Variants in RMST observed in about 807,000 individuals in gnomAD.
RMST encodes rhabdomyosarcoma 2 associated transcript.
chr12:97,520,741 G>C (rs990196532), intron 10 of RMST, among the ~76,000 whole-genome samples: 1 of 152,098 alleles, frequency 6.6e-6, no homozygotes, highest in Non-Finnish European at 1.5e-5. Context: ...GTAGGGCCAG[G>C]TTTGCATAAA....
intron 5 of RMST, among the ~76,000 whole-genome samples, chr12:97,486,602 T>A (rs1213234238): frequency 6.6e-6 from 1 of 152,224 alleles, no homozygotes; most frequent in African/African-American, 2.4e-5. Context: ...TCATTCATTC[T>A]GGAATATTAA....
chr12:97,545,103 A>G (rs1882837260), intron 11 of RMST, among the ~76,000 whole-genome samples: 1 of 152,104 alleles, frequency 6.6e-6, no homozygotes, highest in African/African-American at 2.4e-5. Context: ...TCACATTTAC[A>G]TTATATTACA....
intron 10 of RMST, among the ~76,000 whole-genome samples, chr12:97,526,760 G>A (rs1482394707): frequency 6.6e-6 from 1 of 152,106 alleles, no homozygotes; most frequent in African/African-American, 2.4e-5. Flanking sequence ...GCTAGGATAG[G>A]AATTCACCCA....
chr12:97,475,448 T>G (rs1874423852), intron 5 of RMST, among the ~76,000 whole-genome samples: 1 of 151,992 alleles, frequency 6.6e-6, no homozygotes, highest in Non-Finnish European at 1.5e-5. Context: ...GCCTTTGGAG[T>G]CAAACCAAAT....
chr12:97,483,811 T>A (rs1218010101), intron 5 of RMST, among the ~76,000 whole-genome samples: 1 of 152,204 alleles, frequency 6.6e-6, no homozygotes, highest in Non-Finnish European at 1.5e-5. Context: ...CTTGTCTATG[T>A]GTGTATGTAA....
At chr12:97,481,997 T>C (rs1003468798) in intron 5 of RMST, among the ~76,000 whole-genome samples, 1 of 152,228 alleles carries the variant, frequency 6.6e-6, no homozygotes, top group African/African-American at 2.4e-5. Context: ...CTATTTTTAA[T>C]TTAAATTCCC....
At chr12:97,535,318 A>G (rs1881984393) in intron 11 of RMST, among the ~76,000 whole-genome samples, 1 of 151,688 alleles carries the variant, frequency 6.6e-6, no homozygotes. Flanking sequence ...AATTTACGCT[A>G]TTCGTATTAA....
chr12:97,554,026 T>C (rs1592796709), intron 11 of RMST, among the ~76,000 whole-genome samples: 1 of 150,654 alleles, frequency 6.6e-6, no homozygotes, highest in African/African-American at 2.4e-5. Context: ...ATGATCTTAG[T>C]TCACTGCAAC....
intron 11 of RMST, chr12:97,532,780 A>G (rs532638426): frequency 2.0e-4 from 30 of 151,492 alleles, no homozygotes; most frequent in African/African-American, 6.5e-4. Context: ...GATTAGTGAT[A>G]CATAATGAAA....
At chr12:97,543,738 A>G (rs1163769103) in intron 11 of RMST, among the ~76,000 whole-genome samples, 1 of 151,942 alleles carries the variant, frequency 6.6e-6, no homozygotes, top group African/African-American at 2.4e-5. Context: ...TTTTTTATGA[A>G]TGGAAAATGG....
intron 11 of RMST, among the ~76,000 whole-genome samples, chr12:97,539,810 C>T (rs1432282057): frequency 2.0e-5 from 3 of 151,478 alleles, no homozygotes; most frequent in Non-Finnish European, 4.4e-5. Flanking sequence ...AGGCAAATCA[C>T]CCAACCTCAG....
chr12:97,524,100 A>AAG (rs1880845003), intron 10 of RMST, among the ~76,000 whole-genome samples: 1 of 148,880 alleles, frequency 6.7e-6, no homozygotes, highest in African/African-American at 2.5e-5. Context: ...AAAAAAAAAA[A>AAG]AAATCACATA....
At position 97,560,987 on chromosome 12, in the gene RMST, G is replaced by T. The variant is rs529213766; in HGVS notation, n.1898G>T. ...AGTCAGCAGAAAATGAGAAAGTAGAGCTCGTGCTGTGAATAATTCCAGCAA... is the reference window on the plus strand; with the variant it reads ...AGTCAGCAGAAAATGAGAAAGTAGATCTCGTGCTGTGAATAATTCCAGCAA... On this transcript the variant is annotated non_coding_transcript_exon_variant, in exon 13 of 14. Coordinates refer to ENST00000640149, the Ensembl canonical transcript of RMST. 4.6e-5 allele frequency: 7 copies of T among 152,470 alleles called. No homozygotes were observed. The East Asian group carries it at 9.7e-4, about 21-fold the overall frequency. The allele number at this position is 152,470 out of a possible 1,614,324, so 9.4% of individuals were successfully genotyped here. A position where few individuals can be genotyped will look rare whatever the true frequency, so the allele number is the denominator to read the frequency against.
intron 5 of RMST, among the ~76,000 whole-genome samples, chr12:97,487,005 C>T (rs761858829): frequency 3.9e-5 from 6 of 152,176 alleles, no homozygotes; most frequent in Non-Finnish European, 7.3e-5. Flanking sequence ...GCCTGAGATT[C>T]CAGTTCCGTC....
At chr12:97,482,711 A>ATTTATTATTTATT (rs10629656) in intron 5 of RMST, among the ~76,000 whole-genome samples, 1 of 65,682 alleles carries the variant, frequency 1.5e-5, no homozygotes, top group African/African-American at 4.5e-5. Context: ...AAATAAATTT[A>ATTTATTATTTATT]TATTATTTAT....
intron 10 of RMST, among the ~76,000 whole-genome samples, chr12:97,519,880 T>G (rs1319179853): frequency 1.3e-5 from 2 of 152,208 alleles, no homozygotes; most frequent in Non-Finnish European, 2.9e-5. Context: ...GATAATTTTC[T>G]GAGAATGGAA....
intron 10 of RMST, among the ~76,000 whole-genome samples, chr12:97,503,430 C>T (rs565123897): frequency 8.3e-5 from 12 of 144,942 alleles, no homozygotes; most frequent in Middle Eastern, 3.5e-3. Context: ...CACTCCCTTT[C>T]TATTATTGTT....
intron 10 of RMST, among the ~76,000 whole-genome samples, chr12:97,499,370 A>G (rs543380077): frequency 6.6e-6 from 1 of 152,120 alleles, no homozygotes; most frequent in African/African-American, 2.4e-5. Flanking sequence ...GTTCTCCTGT[A>G]ATATTCTTTT....
intron 5 of RMST, among the ~76,000 whole-genome samples, chr12:97,490,458 G>A (rs1876662114): frequency 1.3e-5 from 2 of 152,026 alleles, no homozygotes; most frequent in South Asian, 4.2e-4. Context: ...TGTTAAATTG[G>A]GCTAATAGCA....
Sources: allele counts gnomAD v4.1 joint callset (sites outside exome capture counted in the v4.1 genomes callset), GRCh38; gene constraint gnomAD v4.1.1; transcripts MANE v1.5; gene names NCBI Gene and HGNC (gene_info 2026-07-23, HGNC 2026-07-21).